SESN1: variants seen among roughly 807,000 people sequenced by gnomAD.
SESN1 encodes the protein sestrin 1, also known as sestrin-1.
SESN1 carries 30 observed loss-of-function variants against 59.3 expected under a neutral mutation model. That is an observed-to-expected ratio of 0.51 (90% confidence interval 0.38 to 0.69). The LOEUF (loss-of-function observed/expected upper bound fraction) is 0.69, where lower values mean the gene tolerates loss of function less well. Ranked by LOEUF, SESN1 falls within the 30% of genes least tolerant of loss-of-function variation. The pLI is 0.00. For missense variants in SESN1, 566 were observed against 673.0 expected (o/e 0.84, Z 1.76); for synonymous variants, 197 against 219.9 (o/e 0.90, Z 0.92).
intron 1 of SESN1, among the ~76,000 whole-genome samples, chr6:109,065,519 G>A (rs1780809661): frequency 6.6e-6 from 1 of 152,090 alleles, no homozygotes; most frequent in Non-Finnish European, 1.5e-5. Context: ...AAGACATAGG[G>A]AGAAAACTCT....
At chr6:109,065,930 C>A (rs937254349) in intron 1 of SESN1, among the ~76,000 whole-genome samples, 1 of 151,872 alleles carries the variant, frequency 6.6e-6, no homozygotes, top group Non-Finnish European at 1.5e-5. Context: ...AACTCCTTTT[C>A]GTCTAATGTA....
intron 1 of SESN1, among the ~76,000 whole-genome samples, chr6:109,087,526 C>T (rs987817660): frequency 1.3e-5 from 2 of 151,872 alleles, no homozygotes; most frequent in East Asian, 1.9e-4. Context: ...GGAAAGGGAC[C>T]GAGTTCACAA....
At chr6:109,079,893 C>T (rs1488319136) in intron 1 of SESN1, among the ~76,000 whole-genome samples, 1 of 152,132 alleles carries the variant, frequency 6.6e-6, no homozygotes, top group African/African-American at 2.4e-5. Context: ...AGAATGATTT[C>T]TGTATGAGCT....
chr6:109,004,822 G>A (rs1344467042), intron 1 of SESN1, among the ~76,000 whole-genome samples: 1 of 152,168 alleles, frequency 6.6e-6, no homozygotes, highest in African/African-American at 2.4e-5. Context: ...ACAACTGCAA[G>A]TTAACTATGC....
At chr6:109,068,775 C>A (rs1780877991) in intron 1 of SESN1, among the ~76,000 whole-genome samples, 3 of 148,812 alleles carry the variant, frequency 2.0e-5, no homozygotes, top group African/African-American at 7.5e-5. Flanking sequence ...GGCTGAAGTG[C>A]AGTGGTACGA....
rs1470842751 is a variant in SESN1 at position 108,985,921 on chromosome 6, A to AGTCTT, written c.*1618_*1622dup. The stretch of plus-strand genomic sequence containing the variant: ...ATACTCTATTCCTAGCTAAGGTTAT[A>AGTCTT]GTCTTGTCTTCTCATGAGAGTAAAT... On this transcript the variant is annotated 3_prime_UTR_variant, in exon 10 of 10. Transcript: ENST00000436639. Among the ~76,000 whole-genome samples, 9 of 152,296 alleles carry AGTCTT rather than the reference A, an allele frequency of 5.9e-5. No homozygotes were observed. Among genetic ancestry groups the AGTCTT allele is most frequent in the Non-Finnish European group, 1.3e-4 (9 of 68,018 alleles).
At chr6:109,084,181 TTATA>T (rs1488489679) in intron 1 of SESN1, among the ~76,000 whole-genome samples, 7 of 152,238 alleles carry the variant, frequency 4.6e-5, no homozygotes, top group Non-Finnish European at 7.3e-5. Flanking sequence ...CAATGAATGA[TTATA>T]TATACATATT....
chr6:109,039,059 CAAG>C (rs1299752729), intron 1 of SESN1, among the ~76,000 whole-genome samples: 2 of 133,282 alleles, frequency 1.5e-5, no homozygotes, highest in East Asian at 2.2e-4. Flanking sequence ...AGAAGGAGAA[CAAG>C]AAGGAGGAAG....
chr6:109,056,738 GTGATGTGT>G (rs1780639088), intron 1 of SESN1, among the ~76,000 whole-genome samples: 16 of 152,260 alleles, frequency 1.1e-4, no homozygotes, highest in Admixed American at 7.8e-4. Context: ...GTACATATTT[GTGATGTGT>G]AGGAGGCAGC....
intron 1 of SESN1, among the ~76,000 whole-genome samples, chr6:109,053,298 T>C (rs1243058385): frequency 1.3e-5 from 2 of 152,136 alleles, no homozygotes; most frequent in Non-Finnish European, 2.9e-5. Context: ...CTTAAGATTA[T>C]ACAGCCAGTA....
At chr6:109,089,421 A>G (rs1781271943) in intron 1 of SESN1, among the ~76,000 whole-genome samples, 1 of 152,226 alleles carries the variant, frequency 6.6e-6, no homozygotes, top group African/African-American at 2.4e-5. Flanking sequence ...AAAGTTACAT[A>G]GATTTTCATT....
At chr6:109,037,925 C>CCATT (rs748715271) in intron 1 of SESN1, among the ~76,000 whole-genome samples, 1 of 152,088 alleles carries the variant, frequency 6.6e-6, no homozygotes, top group Non-Finnish European at 1.5e-5. Flanking sequence ...CTGACTAATT[C>CCATT]CATTATCTTT....
At chr6:109,055,645 G>C (rs1719824948) in intron 1 of SESN1, among the ~76,000 whole-genome samples, 1 of 128,894 alleles carries the variant, frequency 7.8e-6, no homozygotes, top group Non-Finnish European at 1.6e-5. Flanking sequence ...CTGGGCAACA[G>C]AGCGAGACTC....
At chr6:109,019,226 C>T (rs1322907684) in intron 1 of SESN1, among the ~76,000 whole-genome samples, 2 of 152,098 alleles carry the variant, frequency 1.3e-5, no homozygotes, top group African/African-American at 2.4e-5. Flanking sequence ...GACACACACC[C>T]CTCATGATCT....
intron 1 of SESN1, among the ~76,000 whole-genome samples, chr6:109,041,324 TA>T (rs1365956245): frequency 6.6e-6 from 1 of 151,746 alleles, no homozygotes; most frequent in Non-Finnish European, 1.5e-5. Context: ...AATAATAATT[TA>T]AAAAAATAAA....
At chr6:109,051,997 G>A (rs1780549817) in intron 1 of SESN1, among the ~76,000 whole-genome samples, 1 of 152,186 alleles carries the variant, frequency 6.6e-6, no homozygotes, top group African/African-American at 2.4e-5. Flanking sequence ...ATTTTGGAGT[G>A]ACACATTCAA....
chr6:109,062,759 C>T (rs2114456372), intron 1 of SESN1, among the ~76,000 whole-genome samples: 1 of 152,188 alleles, frequency 6.6e-6, no homozygotes, highest in African/African-American at 2.4e-5. Context: ...TTCTCTTATA[C>T]ATACATAGCT....
At position 108,987,409 on chromosome 6, in the gene SESN1, C is replaced by G; in HGVS notation, c.*135G>C. ...GCAGTGGTTTTCCACAGAAAAATAG[C>G]AGAAACTAAAGGAATCATGGCACAA... On this transcript the variant is annotated 3_prime_UTR_variant, in exon 10 of 10. Coordinates refer to ENST00000436639, the MANE Select transcript of SESN1 (RefSeq NM_014454.3). The G allele has an allele frequency of 1.8e-6, 1 of 545,490 alleles. No individual in the cohort carries two copies. The highest frequency in any genetic ancestry group is 3.3e-5 in the Admixed American group (1 of 30,598). 33.8% of individuals were successfully genotyped at this position (545,490 alleles called of 1,614,324 possible). A position where few individuals can be genotyped will look rare whatever the true frequency, so the allele number is the denominator to read the frequency against.
chr6:109,024,940 G>GTGTGTAA (rs1780066863), intron 1 of SESN1, among the ~76,000 whole-genome samples: 1 of 152,216 alleles, frequency 6.6e-6, no homozygotes, highest in African/African-American at 2.4e-5. Context: ...TGGCCGAACT[G>GTGTGTAA]GCAAAGTAAC....
Sources: allele counts gnomAD v4.1 joint callset (sites outside exome capture counted in the v4.1 genomes callset), GRCh38; gene constraint gnomAD v4.1.1; transcripts MANE v1.5; gene names NCBI Gene and HGNC (gene_info 2026-07-23, HGNC 2026-07-21).